The following PLXDC2 variants were observed in gnomAD, a reference collection of about 807,000 sequenced individuals.
PLXDC2 encodes the protein plexin domain-containing protein 2.
In PLXDC2, 40 loss-of-function variants were observed where a neutral mutation model predicts 68.9. The observed-to-expected ratio is 0.58, with a 90% CI of 0.45 to 0.76. PLXDC2 has a LOEUF of 0.76. Ranked by LOEUF, PLXDC2 falls within the 30% of genes least tolerant of loss-of-function variation. The pLI is 0.00. For synonymous variants in PLXDC2, 243 were observed against 234.2 expected, an observed-to-expected ratio of 1.04 and a Z score of -0.34; for missense variants, 644 against 661.9, an observed-to-expected ratio of 0.97 and a Z score of 0.30.
At chr10:20,245,654 T>C in intron 13 of PLXDC2, 149 bp downstream of exon 13, 1 of 858,494 alleles carries the variant, frequency 1.2e-6, no homozygotes, top group Non-Finnish European at 1.8e-6. Context: ...TTGTCCCCCA[T>C]GCACTCACGT....
intron 1 of PLXDC2, among the ~76,000 whole-genome samples, chr10:19,869,152 T>A (rs937417425): frequency 6.6e-6 from 1 of 152,078 alleles, no homozygotes; most frequent in Non-Finnish European, 1.5e-5. Flanking sequence ...ATCCCAGCAC[T>A]TTGGGAGGCC....
chr10:20,098,088 A>G (rs1833375187), intron 4 of PLXDC2, among the ~76,000 whole-genome samples: 1 of 151,986 alleles, frequency 6.6e-6, no homozygotes, highest in African/African-American at 2.4e-5. Flanking sequence ...GGGGGGCGGT[A>G]CGGCTGCTGT....
intron 7 of PLXDC2, among the ~76,000 whole-genome samples, chr10:20,164,847 A>C (rs1834352832): frequency 6.6e-6 from 1 of 151,894 alleles, no homozygotes; most frequent in African/African-American, 2.4e-5. Flanking sequence ...TTGGGGTCTT[A>C]CTCTGTCACC....
At chr10:20,217,623 T>TTC in intron 11 of PLXDC2, 47 bp downstream of exon 11, 2 of 1,254,858 alleles carry the variant, frequency 1.6e-6, no homozygotes, top group Admixed American at 2.6e-5. Context: ...TTTTTTTTTT[T>TTC]TCCCTGAAGG....
At chr10:19,885,327 T>A (rs567971012) in intron 1 of PLXDC2, among the ~76,000 whole-genome samples, 1 of 150,434 alleles carries the variant, frequency 6.6e-6, no homozygotes, top group Admixed American at 6.6e-5. Context: ...GATGGTAGTT[T>A]CTTTTGCTGT....
chr10:19,846,220 G>A (rs761930992), intron 1 of PLXDC2, among the ~76,000 whole-genome samples: 6 of 152,148 alleles, frequency 3.9e-5, no homozygotes, highest in Non-Finnish European at 8.8e-5. Flanking sequence ...GAGTAATTTG[G>A]ATCTGTTAGT....
chr10:20,149,224 C>CTT (rs1554770079), intron 6 of PLXDC2, among the ~76,000 whole-genome samples: 1 of 20,074 alleles, frequency 5.0e-5, no homozygotes, highest in African/African-American at 1.8e-4. Context: ...CTTTTTTTTT[C>CTT]TTTTCTTTTT....
Position 20,044,026 on chromosome 10 carries a change from T to A in PLXDC2, c.325-2843T>A, listed in dbSNP as rs552065541. On this transcript the variant is annotated intron_variant, in intron 2 of 13. Coordinates refer to ENST00000377252, the MANE Select transcript of PLXDC2 (RefSeq NM_032812.9). ...TAACAATAGAAAAAGATTCAAGGTT[T>A]CATGGAAGTGAACAAGTCCAGTAGT... is the stretch of plus-strand genomic sequence containing the variant. Among the ~76,000 whole-genome samples the A allele has an allele frequency of 3.9e-5, 6 of 152,060 alleles. No individual in the cohort carries two copies. The South Asian group carries it at 1.2e-3, about 32-fold the overall frequency.
At chr10:19,827,719 C>T (rs1375480255) in intron 1 of PLXDC2, among the ~76,000 whole-genome samples, 11 of 152,004 alleles carry the variant, frequency 7.2e-5, no homozygotes, top group African/African-American at 1.4e-4. Flanking sequence ...CCACCACACC[C>T]GGCTAATTTG....
At position 20,282,577 on chromosome 10, in the gene PLXDC2, C is replaced by T. The variant is rs897521794; in HGVS notation, c.*2758C>T. 1.7e-4 allele frequency: 26 copies of T among 152,006 alleles called. No individual in the cohort carries two copies. The highest frequency in any genetic ancestry group is 6.0e-4 in the African/African-American group (25 of 41,416). 9.4% of individuals were successfully genotyped at this position (152,006 alleles called of 1,614,324 possible). A position where few individuals can be genotyped will look rare whatever the true frequency, so the allele number is the denominator to read the frequency against. Reference sequence around the variant, plus strand: ...GTGACTAGGTAAAGATACTGAAACTCAAGAAAAATATCTTGACCCATTTAT... The same window carrying T: ...GTGACTAGGTAAAGATACTGAAACTTAAGAAAAATATCTTGACCCATTTAT... On this transcript the variant is annotated 3_prime_UTR_variant, in exon 14 of 14. Coordinates refer to ENST00000377252, the MANE Select transcript of PLXDC2 (RefSeq NM_032812.9).
chr10:19,902,500 G>A (rs1838177018), intron 1 of PLXDC2, among the ~76,000 whole-genome samples: 1 of 152,106 alleles, frequency 6.6e-6, no homozygotes, highest in Non-Finnish European at 1.5e-5. Flanking sequence ...TTGGTTTATA[G>A]CAGAGCTACT....
chr10:20,116,863 A>G (rs1589636703), intron 4 of PLXDC2, among the ~76,000 whole-genome samples: 1 of 152,336 alleles, frequency 6.6e-6, no homozygotes, highest in East Asian at 1.9e-4. Flanking sequence ...CCTAATTGCA[A>G]GTAAATTCTA....
chr10:19,997,096 T>TA (rs1314031252), intron 1 of PLXDC2, among the ~76,000 whole-genome samples: 24 of 152,170 alleles, frequency 1.6e-4, no homozygotes, highest in African/African-American at 5.5e-4. Flanking sequence ...TTTAATAAAA[T>TA]AGAGTGTCTA....
chr10:19,968,141 T>G (rs900072829), intron 1 of PLXDC2, among the ~76,000 whole-genome samples: 3 of 152,222 alleles, frequency 2.0e-5, no homozygotes, highest in Admixed American at 2.0e-4. Context: ...CACTCAGCGT[T>G]AAGATGGGTT....
intron 13 of PLXDC2, among the ~76,000 whole-genome samples, chr10:20,258,703 CAT>C (rs1835773541): frequency 6.6e-6 from 1 of 152,128 alleles, no homozygotes; most frequent in East Asian, 1.9e-4. Flanking sequence ...GTTTTCCTAA[CAT>C]AGAAAGGATG....
chr10:19,908,838 G>A (rs1237271899), intron 1 of PLXDC2, among the ~76,000 whole-genome samples: 1 of 152,078 alleles, frequency 6.6e-6, no homozygotes, highest in Non-Finnish European at 1.5e-5. Context: ...TCTAAAGAGA[G>A]GCCCCAGAAA....
intron 6 of PLXDC2, among the ~76,000 whole-genome samples, chr10:20,148,469 C>T (rs1045368492): frequency 5.9e-5 from 9 of 152,076 alleles, no homozygotes; most frequent in African/African-American, 2.2e-4. Flanking sequence ...GAAATTTAAA[C>T]TTAGGTTTGT....
chr10:20,015,022 G>T (rs1484443422), intron 2 of PLXDC2, among the ~76,000 whole-genome samples: 3 of 152,298 alleles, frequency 2.0e-5, no homozygotes, highest in East Asian at 3.9e-4. Context: ...AAGAGAAAAT[G>T]ATTTTCAGCT....
At chr10:20,154,829 A>G (rs550293866) in intron 6 of PLXDC2, among the ~76,000 whole-genome samples, 1 of 151,910 alleles carries the variant, frequency 6.6e-6, no homozygotes, top group South Asian at 2.1e-4. Context: ...GATAGTCATT[A>G]GGTTAGGAAA....
Sources: gnomAD v4.1 joint callset for allele counts (sites outside exome capture counted in the v4.1 genomes callset) on GRCh38, gnomAD v4.1.1 for gene constraint, MANE v1.5 for transcripts, NCBI Gene and HGNC (gene_info 2026-07-23, HGNC 2026-07-21) for gene names.